Variants in DLGAP2 observed in about 807,000 individuals in gnomAD.
DLGAP2 encodes DLG associated protein 2.
A neutral mutation model predicts 100.3 loss-of-function variants in DLGAP2; 26 were observed. The observed-to-expected ratio is 0.26, with a 90% CI of 0.19 to 0.36. The LOEUF (loss-of-function observed/expected upper bound fraction) is 0.36, where lower values mean the gene tolerates loss of function less well. Among genes scored for constraint, DLGAP2 ranks in the 10% least tolerant of loss-of-function variants. DLGAP2 has a pLI of 1.00. For missense variants in DLGAP2, 1,858 were observed against 1,453.2 expected, an observed-to-expected ratio of 1.28 and a Z score of -4.53; for synonymous variants, 886 against 630.1, an observed-to-expected ratio of 1.41 and a Z score of -6.08.
chr8:1,651,099 C>T (rs966488000), intron 8 of DLGAP2, among the ~76,000 whole-genome samples: 1 of 152,136 alleles, frequency 6.6e-6, no homozygotes, highest in African/African-American at 2.4e-5. Flanking sequence ...CTTTCTCAAA[C>T]GTACCATCCA....
At chr8:1,026,030 G>A (rs1458681830) in intron 2 of DLGAP2, among the ~76,000 whole-genome samples, 1 of 152,192 alleles carries the variant, frequency 6.6e-6, no homozygotes, top group East Asian at 1.9e-4. Flanking sequence ...AGAAGGCTCC[G>A]GCCCGTCCAG....
At chr8:1,569,367 T>A (rs1802562014) in intron 6 of DLGAP2, among the ~76,000 whole-genome samples, 2 of 152,210 alleles carry the variant, frequency 1.3e-5, no homozygotes, top group South Asian at 4.1e-4. Context: ...GTGTTGTAGA[T>A]AATAAAGCAG....
At position 1,009,948 on chromosome 8, in the gene DLGAP2, T is replaced by A. The variant is rs543291324; in HGVS notation, c.73+101982T>A. ...GTAAGGTCTTGTGTTTTTGCACAGT[T>A]GATTGAAACAATGGAAGCTGCTAGC... On this transcript the variant is annotated intron_variant, in intron 2 of 14. Coordinates refer to ENST00000637795, the MANE Select transcript of DLGAP2 (RefSeq NM_001346810.2). Among the ~76,000 whole-genome samples, 6 of 152,360 alleles carry A rather than the reference T, an allele frequency of 3.9e-5. No homozygotes were observed. In the East Asian group the frequency reaches 9.6e-4, roughly 24 times the overall value.
At chr8:1,588,961 T>C (rs7008115) in intron 6 of DLGAP2, among the ~76,000 whole-genome samples, 73 of 152,212 alleles carry the variant, frequency 4.8e-4, no homozygotes, top group African/African-American at 1.7e-3. Context: ...AATCTGCCAA[T>C]GTGAGCATTA....
chr8:1,215,261 T>A (rs922150076), intron 2 of DLGAP2, among the ~76,000 whole-genome samples: 1 of 152,206 alleles, frequency 6.6e-6, no homozygotes, highest in African/African-American at 2.4e-5. Flanking sequence ...GAAAGTCAAA[T>A]TAAAATAATG....
intron 2 of DLGAP2, among the ~76,000 whole-genome samples, chr8:1,140,121 C>T (rs1796496207): frequency 6.6e-6 from 1 of 152,192 alleles, no homozygotes; most frequent in African/African-American, 2.4e-5. Context: ...ATTTCCATTA[C>T]AAGGAAACCT....
At chr8:1,503,217 C>T (rs1584960700) in intron 4 of DLGAP2, among the ~76,000 whole-genome samples, 1 of 152,136 alleles carries the variant, frequency 6.6e-6, no homozygotes, top group African/African-American at 2.4e-5. Flanking sequence ...GTATAGCCGT[C>T]AGCACCTCTG....
chr8:1,564,019 C>G (rs900317866), intron 5 of DLGAP2, among the ~76,000 whole-genome samples: 3 of 152,184 alleles, frequency 2.0e-5, no homozygotes, highest in Non-Finnish European at 2.9e-5. Flanking sequence ...TGGGGAGATT[C>G]TCTTCTCCTA....
chr8:1,343,232 G>C (rs530349471), intron 3 of DLGAP2, among the ~76,000 whole-genome samples: 3 of 152,308 alleles, frequency 2.0e-5, no homozygotes, highest in East Asian at 1.9e-4. Context: ...GATTAAGTCC[G>C]CCACGGTGAG....
chr8:1,514,031 C>T lies in DLGAP2; in HGVS notation c.172+12600C>T, dbSNP rs1439441875. On this transcript the variant is annotated intron_variant, in intron 4 of 14. Transcript: ENST00000637795. ...GGGTTATCTTACGTGATATGGGGCA[C>T]AGATTTGCTTTAAATAATTTACTTC... Among the ~76,000 whole-genome samples the T allele has an allele frequency of 2.0e-5, 3 of 152,214 alleles. No individual in the cohort carries two copies. In the East Asian group the frequency reaches 5.8e-4, roughly 29 times the overall value.
intron 2 of DLGAP2, among the ~76,000 whole-genome samples, chr8:1,049,952 A>G (rs1802627805): frequency 2.0e-5 from 3 of 152,240 alleles, no homozygotes; most frequent in Admixed American, 6.5e-5. Flanking sequence ...ATATGCACAC[A>G]CATGCTGTCA....
chr8:1,529,833 CG>C (rs1413537558), intron 4 of DLGAP2, among the ~76,000 whole-genome samples: 3 of 152,038 alleles, frequency 2.0e-5, no homozygotes, highest in Non-Finnish European at 4.4e-5. Context: ...GCTGGGCATC[CG>C]GGGAGACATC....
At chr8:916,972 G>T (rs1421521898) in intron 2 of DLGAP2, among the ~76,000 whole-genome samples, 2 of 152,216 alleles carry the variant, frequency 1.3e-5, no homozygotes, top group African/African-American at 4.8e-5. Flanking sequence ...CCTTCCTCAG[G>T]ACTGGAAGGG....
intron 3 of DLGAP2, among the ~76,000 whole-genome samples, chr8:1,425,282 C>T (rs1263795024): frequency 1.3e-5 from 2 of 152,112 alleles, no homozygotes; most frequent in African/African-American, 4.8e-5. Context: ...AAGACTTAGC[C>T]ATGCCCATGG....
chr8:878,918 C>T (rs1294562318), intron 1 of DLGAP2, among the ~76,000 whole-genome samples: 3 of 152,060 alleles, frequency 2.0e-5, no homozygotes, highest in Admixed American at 6.5e-5. Context: ...TGCAGATTAC[C>T]CTGCCTCAGA....
intron 3 of DLGAP2, among the ~76,000 whole-genome samples, chr8:1,459,780 G>A (rs755223796): frequency 1.4e-5 from 2 of 144,916 alleles, no homozygotes; most frequent in Non-Finnish European, 3.0e-5. Flanking sequence ...CTGCCTCCCA[G>A]GTTCAAGCAA....
intron 6 of DLGAP2, among the ~76,000 whole-genome samples, chr8:1,588,779 G>A (rs150810924): frequency 2.8e-4 from 42 of 148,524 alleles, no homozygotes; most frequent in African/African-American, 9.3e-4. Flanking sequence ...AAAATTAGCT[G>A]AGCATGGTAG....
chr8:1,328,328 A>G (rs1174926588), intron 3 of DLGAP2, among the ~76,000 whole-genome samples: 1 of 147,672 alleles, frequency 6.8e-6, no homozygotes, highest in East Asian at 2.0e-4. Context: ...TATTATTATT[A>G]TTATTTTTGA....
intron 14 of DLGAP2, among the ~76,000 whole-genome samples, chr8:1,697,563 C>G (rs758866135): frequency 6.6e-6 from 1 of 152,198 alleles, no homozygotes; most frequent in Admixed American, 6.5e-5. Flanking sequence ...TCTATATAAG[C>G]CTTTCAGAGA....
Sources: gnomAD v4.1 joint callset for allele counts (sites outside exome capture counted in the v4.1 genomes callset) on GRCh38, gnomAD v4.1.1 for gene constraint, MANE v1.5 for transcripts, NCBI Gene and HGNC (gene_info 2026-07-23, HGNC 2026-07-21) for gene names.